HDAC9: variants seen among roughly 807,000 people sequenced by gnomAD.
HDAC9 encodes histone deacetylase 9, also known as MEF-2 interacting transcription repressor (MITR) protein.
HDAC9 carries 41 observed loss-of-function variants against 139.4 expected under a neutral mutation model. The observed-to-expected ratio is 0.29, with a 90% CI of 0.23 to 0.38. HDAC9 has a LOEUF of 0.38. Among genes scored for constraint, HDAC9 ranks in the 10% least tolerant of loss-of-function variants. The probability of loss-of-function intolerance (pLI) is 1.00; values close to 1 mark genes in which losing one functional copy is unlikely to be tolerated. For missense variants in HDAC9, 1,147 were observed against 1,297.0 expected (o/e 0.88, Z 1.78); for synonymous variants, 517 against 476.2 (o/e 1.09, Z -1.12).
intron 2 of HDAC9, among the ~76,000 whole-genome samples, chr7:18,574,037 G>A (rs917333019): frequency 2.2e-4 from 34 of 152,354 alleles, no homozygotes; most frequent in East Asian, 1.2e-3. Context: ...TGAGGTATGC[G>A]GACAGCTGGA....
intron 1 of HDAC9, among the ~76,000 whole-genome samples, chr7:18,297,243 A>G (rs1164674131): frequency 6.6e-6 from 1 of 152,162 alleles, no homozygotes; most frequent in Non-Finnish European, 1.5e-5. Context: ...TTATTTAAAA[A>G]CTTTTTTATT....
intron 1 of HDAC9, among the ~76,000 whole-genome samples, chr7:18,329,220 A>G (rs1800706931): frequency 6.6e-6 from 1 of 151,302 alleles, no homozygotes; most frequent in Non-Finnish European, 1.5e-5. Context: ...AGTTTTGTTC[A>G]TTTTTATCAA....
intron 1 of HDAC9, chr7:18,458,735 A>T: frequency 1.4e-6 from 1 of 713,422 alleles, no homozygotes; most frequent in African/African-American, 1.8e-5. Context: ...GTAGACCTCT[A>T]CTCAGAGTAG....
At chr7:18,835,362 T>C in intron 19 of HDAC9, 105 bp from the exon 20 acceptor site, 1 of 1,227,296 alleles carries the variant, frequency 8.1e-7, no homozygotes, top group Non-Finnish European at 1.1e-6. Context: ...AGACAGAAAA[T>C]GAGAAAGAAA....
intron 1 of HDAC9, among the ~76,000 whole-genome samples, chr7:18,446,110 G>T (rs1250602666): frequency 6.6e-6 from 1 of 152,216 alleles, no homozygotes; most frequent in African/African-American, 2.4e-5. Context: ...CAGCAAAGAG[G>T]ATAATGTGCA....
intron 23 of HDAC9, among the ~76,000 whole-genome samples, chr7:18,950,549 A>C (rs1352457873): frequency 6.6e-6 from 1 of 152,074 alleles, no homozygotes; most frequent in Non-Finnish European, 1.5e-5. Context: ...CCATTTATTC[A>C]ACATTTTTAA....
intron 24 of HDAC9, among the ~76,000 whole-genome samples, chr7:18,974,880 C>T (rs1410199372): frequency 6.6e-6 from 1 of 152,160 alleles, no homozygotes; most frequent in Non-Finnish European, 1.5e-5. Context: ...CAGCGTTCAT[C>T]CATTTGCCTT....
At chr7:18,743,683 A>G (rs1353747675) in intron 13 of HDAC9, among the ~76,000 whole-genome samples, 1 of 151,794 alleles carries the variant, frequency 6.6e-6, no homozygotes, top group African/African-American at 2.4e-5. Context: ...ACCTGTCTCT[A>G]AAAACATAAA....
intron 2 of HDAC9, chr7:18,496,614 A>G (rs532000611): frequency 1.8e-3 from 713 of 390,720 alleles, no homozygotes; most frequent in Non-Finnish European, 2.5e-3. Flanking sequence ...TGCCTTTACT[A>G]TGCAACTAGA....
chr7:18,859,062 G>T (rs1468616681), intron 21 of HDAC9, among the ~76,000 whole-genome samples: 2 of 152,104 alleles, frequency 1.3e-5, no homozygotes, highest in Non-Finnish European at 2.9e-5. Context: ...TGAATCCCAA[G>T]TCAGTCAGTT....
chr7:18,338,875 G>A (rs562747296), intron 1 of HDAC9, among the ~76,000 whole-genome samples: 2 of 151,480 alleles, frequency 1.3e-5, no homozygotes, highest in Middle Eastern at 3.4e-3. Context: ...GAATTCAACA[G>A]TCAACTCCAT....
intron 1 of HDAC9, among the ~76,000 whole-genome samples, chr7:18,332,091 C>A (rs1203421742): frequency 1.3e-5 from 2 of 151,688 alleles, no homozygotes; most frequent in African/African-American, 4.8e-5. Context: ...ACAGTGCCAT[C>A]TATTTTCTTT....
At position 18,799,712 on chromosome 7, in the gene HDAC9, T is replaced by C. The variant is rs114567671; in HGVS notation, c.2322+6260T>C. 5.3e-3 allele frequency among the ~76,000 whole-genome samples: 802 copies of C among 152,094 alleles called. 11 individuals carry two copies. The highest frequency in any genetic ancestry group is 0.018 in the African/African-American group (760 of 41,500). On this transcript the variant is annotated intron_variant, in intron 17 of 25. Transcript: ENST00000686413. ...GAAAATGTCAGCAAACCTGAAGATA[T>C]CTAGTCTGAAGACCAGGAAGAAAAG... is the stretch of plus-strand genomic sequence containing the variant.
chr7:18,367,413 A>G (rs1213184539), intron 1 of HDAC9, among the ~76,000 whole-genome samples: 2 of 152,084 alleles, frequency 1.3e-5, no homozygotes, highest in Non-Finnish European at 2.9e-5. Context: ...ACGTGATAAA[A>G]ATTGGTAAAG....
At chr7:18,513,692 T>C (rs995592211) in intron 2 of HDAC9, among the ~76,000 whole-genome samples, 3 of 152,218 alleles carry the variant, frequency 2.0e-5, no homozygotes, top group African/African-American at 4.8e-5. Context: ...TGTGTGGAGA[T>C]AGGTAATCTA....
intron 13 of HDAC9, among the ~76,000 whole-genome samples, chr7:18,729,236 C>T (rs139813906): frequency 1.3e-5 from 2 of 152,010 alleles, no homozygotes; most frequent in East Asian, 1.9e-4. Flanking sequence ...AGAGTAACAA[C>T]CATTCTATCA....
At chr7:18,932,848 A>AAAGAAAGAAAGAAAGAAAGAAAG (rs1804881294) in intron 22 of HDAC9, among the ~76,000 whole-genome samples, 1 of 138,204 alleles carries the variant, frequency 7.2e-6, no homozygotes, top group Non-Finnish European at 1.5e-5. Flanking sequence ...AGGAAGGAAA[A>AAAGAAAGAAAGAAAGAAAGAAAG]AAAGAAAGAA....
At chr7:18,463,999 T>A (rs1794065652) in intron 1 of HDAC9, among the ~76,000 whole-genome samples, 1 of 151,994 alleles carries the variant, frequency 6.6e-6, no homozygotes, top group Non-Finnish European at 1.5e-5. Context: ...CTTGAAGTCA[T>A]GTGATTAAGT....
chr7:18,666,107 TGA>T, intron 11 of HDAC9, 104 bp from the exon 12 acceptor site: 4 of 1,202,756 alleles, frequency 3.3e-6, no homozygotes, highest in Non-Finnish European at 4.7e-6. Context: ...TTATGTTCAA[TGA>T]TTAGAAATCA....
Sources: allele counts gnomAD v4.1 joint callset (sites outside exome capture counted in the v4.1 genomes callset), GRCh38; gene constraint gnomAD v4.1.1; transcripts MANE v1.5; gene names NCBI Gene and HGNC (gene_info 2026-07-23, HGNC 2026-07-21).